Variants in NBAS observed in about 807,000 individuals in gnomAD.
NBAS encodes NAG/BC035112 fusion.
A neutral mutation model predicts 302.5 loss-of-function variants in NBAS; 219 were observed. The ratio of observed to expected loss-of-function variants is 0.72; its 90% CI spans 0.65 to 0.81. The LOEUF (loss-of-function observed/expected upper bound fraction) is 0.81, where lower values mean the gene tolerates loss of function less well. NBAS is among the 30% of genes least tolerant of loss of function. The pLI is 0.00. For synonymous variants in NBAS, 1,118 were observed against 1,021.6 expected (o/e 1.09, Z -1.80); for missense variants, 2,932 against 2,841.6 (o/e 1.03, Z -0.72).
chr2:14,938,706 A>T, the NBAS span, among the ~76,000 whole-genome samples: 1 of 152,202 alleles, frequency 6.6e-6, no homozygotes, highest in Non-Finnish European at 1.5e-5. Flanking sequence ...ACCTTCTTTA[A>T]CATTTTCATA....
the NBAS span, among the ~76,000 whole-genome samples, chr2:15,053,088 A>T: frequency 6.6e-6 from 1 of 152,194 alleles, no homozygotes; most frequent in Non-Finnish European, 1.5e-5. Context: ...GAGATGGAGC[A>T]TTTTTGCTAT....
At chr2:15,302,573 C>A (rs1670852156) in intron 40 of NBAS, among the ~76,000 whole-genome samples, 1 of 152,046 alleles carries the variant, frequency 6.6e-6, no homozygotes, top group Non-Finnish European at 1.5e-5. Flanking sequence ...GGTAGTGTGA[C>A]AACCAGGAAT....
intron 11 of NBAS, among the ~76,000 whole-genome samples, chr2:15,502,834 A>G (rs1558394899): frequency 6.6e-6 from 1 of 152,112 alleles, no homozygotes. Flanking sequence ...TCAATAATAA[A>G]TTAGCCTTCC....
intron 35 of NBAS, among the ~76,000 whole-genome samples, chr2:15,344,979 T>C (rs548770855): frequency 6.6e-6 from 1 of 152,096 alleles, no homozygotes; most frequent in South Asian, 2.1e-4. Context: ...TGTTAAAAAT[T>C]TTCAATAAAT....
chr2:15,424,165 G>A, intron 23 of NBAS, 150 bp downstream of exon 23: 1 of 1,015,880 alleles, frequency 9.8e-7, no homozygotes, highest in Non-Finnish European at 1.5e-6. Context: ...CTAATGCACA[G>A]GATAACAAAG....
At chr2:14,894,058 C>T in the NBAS span, among the ~76,000 whole-genome samples, 1 of 152,148 alleles carries the variant, frequency 6.6e-6, no homozygotes, top group Non-Finnish European at 1.5e-5. Context: ...TATCCAGTAT[C>T]AAGTCTTACT....
chr2:15,519,536 C>T (rs1352836053), intron 9 of NBAS, among the ~76,000 whole-genome samples: 1 of 152,064 alleles, frequency 6.6e-6, no homozygotes, highest in Non-Finnish European at 1.5e-5. Flanking sequence ...CTCCCAGGTT[C>T]CAGTGATCTT....
At chr2:15,472,510 A>C (rs1680004019) in intron 16 of NBAS, among the ~76,000 whole-genome samples, 1 of 152,092 alleles carries the variant, frequency 6.6e-6, no homozygotes. Flanking sequence ...CTTGAGCCAC[A>C]TGCATGCTGG....
At chr2:15,523,739 C>T (rs1433047432) in intron 9 of NBAS, among the ~76,000 whole-genome samples, 4 of 152,140 alleles carry the variant, frequency 2.6e-5, no homozygotes, top group East Asian at 3.9e-4. Flanking sequence ...CTTGGTGAAC[C>T]GCTGTCTCTA....
chr2:15,422,728 C>T, intron 23 of NBAS, among the ~76,000 whole-genome samples: 1 of 152,118 alleles, frequency 6.6e-6, no homozygotes, highest in Admixed American at 6.5e-5. Context: ...TTTTTACTGA[C>T]ATGAGAAATT....
chr2:15,318,267 A>G (rs1488023380), intron 38 of NBAS, among the ~76,000 whole-genome samples: 1 of 152,236 alleles, frequency 6.6e-6, no homozygotes, highest in Non-Finnish European at 1.5e-5. Flanking sequence ...GGAAAGGAAC[A>G]ACTGGTATCA....
chr2:15,472,809 C>T lies in NBAS; in HGVS notation c.1725+413G>A, dbSNP rs574655808. 9.2e-5 allele frequency among the ~76,000 whole-genome samples: 14 copies of T among 152,306 alleles called. No individual in the cohort carries two copies. The South Asian group carries it at 2.9e-3, about 32-fold the overall frequency. ...TATGTCCCTTCAGCCCTAGGGTAGT[C>T]CTTAGCGTTCTCTTCACATCCTTTA... On this transcript the variant is annotated intron_variant, in intron 16 of 51. Coordinates refer to ENST00000281513, the MANE Select transcript of NBAS (RefSeq NM_015909.4).
the NBAS span, among the ~76,000 whole-genome samples, chr2:14,871,527 T>C: frequency 2.6e-5 from 4 of 151,986 alleles, no homozygotes; most frequent in Admixed American, 6.6e-5. Context: ...AAAACATGGA[T>C]CAATATAAAG....
chr2:14,984,257 C>G, the NBAS span, among the ~76,000 whole-genome samples: 1 of 152,002 alleles, frequency 6.6e-6, no homozygotes, highest in Non-Finnish European at 1.5e-5. Flanking sequence ...TCTCTGCCCC[C>G]TACCCTTCCT....
At chr2:15,133,990 A>G in the NBAS span, among the ~76,000 whole-genome samples, 1 of 151,764 alleles carries the variant, frequency 6.6e-6, no homozygotes, top group Non-Finnish European at 1.5e-5. Context: ...CCCCACTTCC[A>G]TGCCCACTGC....
At chr2:15,380,005 T>C (rs1028456843) in intron 29 of NBAS, among the ~76,000 whole-genome samples, 174 bp from the exon 30 acceptor site, 1 of 152,148 alleles carries the variant, frequency 6.6e-6, no homozygotes, top group Non-Finnish European at 1.5e-5. Flanking sequence ...TTTGAAATGG[T>C]TAATTTTACA....
At chr2:15,446,961 A>C (rs1369594282) in intron 21 of NBAS, among the ~76,000 whole-genome samples, 1 of 152,060 alleles carries the variant, frequency 6.6e-6, no homozygotes, top group Non-Finnish European at 1.5e-5. Context: ...AAATATTCAA[A>C]TCAAAAGAAA....
At chr2:15,287,816 C>T (rs571391836) in intron 41 of NBAS, among the ~76,000 whole-genome samples, 2 of 149,560 alleles carry the variant, frequency 1.3e-5, no homozygotes, top group South Asian at 2.2e-4. Flanking sequence ...TAGGCATCCC[C>T]GCATAAACAT....
At chr2:14,921,693 T>C in the NBAS span, among the ~76,000 whole-genome samples, 1 of 152,128 alleles carries the variant, frequency 6.6e-6, no homozygotes, top group Admixed American at 6.5e-5. Flanking sequence ...CAGGCATGCA[T>C]TGTGAATAAG....
Sources: gnomAD v4.1 joint callset for allele counts (sites outside exome capture counted in the v4.1 genomes callset) on GRCh38, gnomAD v4.1.1 for gene constraint, MANE v1.5 for transcripts, NCBI Gene and HGNC (gene_info 2026-07-23, HGNC 2026-07-21) for gene names.